Variants in SLC1A1 observed in about 807,000 individuals in gnomAD.
SLC1A1 encodes the protein solute carrier family 1 member 1.
In SLC1A1, 43 loss-of-function variants were observed where a neutral mutation model predicts 53.3. That is an observed-to-expected ratio of 0.81 (90% CI 0.63 to 1.04). The LOEUF (loss-of-function observed/expected upper bound fraction) is 1.04. SLC1A1 is among the 50% of genes least tolerant of loss of function. The probability of loss-of-function intolerance (pLI) is 0.00; values close to 1 mark genes in which losing one functional copy is unlikely to be tolerated. For missense variants in SLC1A1, 748 were observed against 664.9 expected (o/e 1.12, Z -1.37); for synonymous variants, 307 against 243.2 (o/e 1.26, Z -2.44).
chr9:4,552,925 T>G lies in SLC1A1; in HGVS notation c.232+8218T>G, dbSNP rs543741493. Among the ~76,000 whole-genome samples the G allele has an allele frequency of 2.6e-5, 4 of 152,064 alleles. No homozygotes were observed. In the South Asian group the frequency reaches 8.3e-4, roughly 32 times the overall value. On this transcript the variant is annotated intron_variant, in intron 2 of 11. Coordinates refer to ENST00000262352, the MANE Select transcript of SLC1A1 (RefSeq NM_004170.6). ...ATATCAGAATTGAGCTACGCAGATA[T>G]GAACACACTGAATGCATTCATTCTG... is the stretch of plus-strand genomic sequence containing the variant.
intron 1 of SLC1A1, among the ~76,000 whole-genome samples, chr9:4,498,642 A>G (rs1226461487): frequency 2.0e-5 from 3 of 151,936 alleles, no homozygotes; most frequent in African/African-American, 7.2e-5. Flanking sequence ...AAAACAGACA[A>G]GGTTGCTAGT....
At chr9:4,581,240 C>T (rs770541221) in intron 10 of SLC1A1, among the ~76,000 whole-genome samples, 1 of 152,196 alleles carries the variant, frequency 6.6e-6, no homozygotes, top group Non-Finnish European at 1.5e-5. Flanking sequence ...GTTTAGAGAG[C>T]CAAGTCCAAT....
At chr9:4,504,742 A>G (rs1820742660) in intron 1 of SLC1A1, among the ~76,000 whole-genome samples, 1 of 152,222 alleles carries the variant, frequency 6.6e-6, no homozygotes. Flanking sequence ...GGTTTTTAAA[A>G]AGTTGATGTT....
intron 1 of SLC1A1, among the ~76,000 whole-genome samples, chr9:4,539,161 T>C (rs58285896): frequency 0.14 from 21,419 of 152,186 alleles, 1,608 homozygotes; most frequent in South Asian, 0.3. Context: ...AGAAGAACAA[T>C]GCTGTTTTCA....
chr9:4,585,679 C>T lies in SLC1A1; in HGVS notation c.*121C>T. 3.2e-6 allele frequency: 4 copies of T among 1,240,112 alleles called. No homozygotes were observed. The highest frequency in any genetic ancestry group is 4.7e-6 in the Non-Finnish European group (4 of 859,978). The allele number at this position is 1,240,112 out of a possible 1,614,324, so 76.8% of individuals were successfully genotyped here. A position where few individuals can be genotyped will look rare whatever the true frequency, so the allele number is the denominator to read the frequency against. ...GTGTACATTTGATTTGATATACAGA[C>T]CTCCAGATTATTTTCTATATTTGGA... is the stretch of plus-strand genomic sequence containing the variant. On this transcript the variant is annotated 3_prime_UTR_variant, in exon 12 of 12. Transcript: ENST00000262352.
intron 2 of SLC1A1, chr9:4,553,468 G>A (rs1818111856): frequency 6.8e-6 from 1 of 146,412 alleles, no homozygotes; most frequent in Non-Finnish European, 1.5e-5. Flanking sequence ...CTGGGTTCAA[G>A]CGATTCTCCT....
intron 2 of SLC1A1, chr9:4,553,976 G>A (rs1818157354): frequency 6.6e-6 from 1 of 152,146 alleles, no homozygotes; most frequent in South Asian, 2.1e-4. Flanking sequence ...AACAAAGTAA[G>A]ATCATATCCT....
At position 4,580,599 on chromosome 9, in the gene SLC1A1, A is replaced by G. The variant is rs201152739; in HGVS notation, c.1194-2439A>G. Among the ~76,000 whole-genome samples the G allele has an allele frequency of 1.6e-3, 83 of 51,072 alleles. 2 individuals are homozygous for G. In the East Asian group the frequency reaches 0.022, roughly 14 times the overall value. The allele number at this position is 51,072 out of a possible 152,430, so 33.5% of individuals were successfully genotyped here. On this transcript the variant is annotated intron_variant, in intron 10 of 11. Coordinates refer to ENST00000262352, the MANE Select transcript of SLC1A1 (RefSeq NM_004170.6). ...TTGTCTCTGGAAAAAAAAAAAATATATATGTGTGTGTGTGTGTGTGTGTGT... is the reference window on the plus strand; with the variant it reads ...TTGTCTCTGGAAAAAAAAAAAATATGTATGTGTGTGTGTGTGTGTGTGTGT...
rs199651448 is a variant in SLC1A1, at chr9:4,564,307, G to A, written c.326-37G>A. ...CCAGCTGTGCCAGGTGCCCTGGAAG[G>A]TTCCTAATGCTCTGTGGACGCTGTT... On this transcript the variant is annotated intron_variant, in intron 3 of 11. Transcript: ENST00000262352. 36 of 1,439,466 alleles carry A rather than the reference G, an allele frequency of 2.5e-5. No individual in the cohort carries two copies. In the African/African-American group the frequency reaches 4.2e-4, roughly 17 times the overall value. The allele number at this position is 1,439,466 out of a possible 1,614,324, so 89.2% of individuals were successfully genotyped here.
intron 1 of SLC1A1, among the ~76,000 whole-genome samples, chr9:4,511,277 G>T (rs774358355): frequency 6.6e-6 from 1 of 152,116 alleles, no homozygotes; most frequent in African/African-American, 2.4e-5. Flanking sequence ...ATTAGATTCC[G>T]TGTCTGCTGA....
At chr9:4,522,766 T>A (rs981964787) in intron 1 of SLC1A1, among the ~76,000 whole-genome samples, 1 of 152,090 alleles carries the variant, frequency 6.6e-6, no homozygotes, top group East Asian at 1.9e-4. Context: ...CCATCAGATC[T>A]CATGAGAACT....
chr9:4,576,789 T>C, intron 10 of SLC1A1, 26 bp downstream of exon 10: 1 of 1,593,320 alleles, frequency 6.3e-7, no homozygotes, highest in Non-Finnish European at 8.6e-7. Context: ...ACATTCATTG[T>C]CATCACTGAT....
In SLC1A1 at chr9:4,585,304, C is replaced by A. The variant is rs751824400; in HGVS notation, c.1329-8C>A. On this transcript the variant is annotated splice_region_variant and splice_polypyrimidine_tract_variant and intron_variant, in intron 11 of 11. Coordinates refer to ENST00000262352, the MANE Select transcript of SLC1A1 (RefSeq NM_004170.6). The stretch of plus-strand genomic sequence containing the variant: ...GCCTCCTGTCTGACTCCTCCCGTCT[C>A]TCCCCAGGGACCGGTTCAGGACCAT... The A allele has an allele frequency of 5.6e-6, 9 of 1,613,220 alleles. No individual in the cohort carries two copies. The highest frequency in any genetic ancestry group is 1.7e-6 in the Non-Finnish European group (2 of 1,179,896).
Position 4,585,568 on chromosome 9 carries a change from C to G in SLC1A1, c.*10C>G, listed in dbSNP as rs751614536. 35 of 1,614,084 alleles carry G rather than the reference C, an allele frequency of 2.2e-5. No individual in the cohort carries two copies. In the Admixed American group the frequency reaches 5.7e-4, roughly 26 times the overall value. On this transcript the variant is annotated 3_prime_UTR_variant, in exon 12 of 12. Coordinates refer to ENST00000262352, the MANE Select transcript of SLC1A1 (RefSeq NM_004170.6). ...GACCTCACAGTTCTAGGGCCCCTGG[C>G]TGCAGATGACTGGAAACAAGGAAGG...
intron 6 of SLC1A1, among the ~76,000 whole-genome samples, chr9:4,570,411 G>A (rs901496470): frequency 3.3e-5 from 5 of 151,192 alleles, no homozygotes; most frequent in Admixed American, 1.3e-4. Flanking sequence ...TGACTCTATC[G>A]CCCAGGCTGG....
intron 10 of SLC1A1, among the ~76,000 whole-genome samples, chr9:4,577,780 G>C (rs936616295): frequency 2.4e-4 from 37 of 152,294 alleles, no homozygotes; most frequent in Admixed American, 1.6e-3. Flanking sequence ...CGGCAGATTT[G>C]CATTTTACAA....
chr9:4,535,139 A>T (rs1816624593), intron 1 of SLC1A1, among the ~76,000 whole-genome samples: 1 of 152,166 alleles, frequency 6.6e-6, no homozygotes, highest in Non-Finnish European at 1.5e-5. Context: ...TCCCTTTGAA[A>T]ATTGGCACAA....
At chr9:4,558,626 G>A (rs1818650192) in intron 2 of SLC1A1, among the ~76,000 whole-genome samples, 1 of 152,142 alleles carries the variant, frequency 6.6e-6, no homozygotes, top group South Asian at 2.1e-4. Flanking sequence ...ACCAGCCCAT[G>A]GCCAAATCAT....
intron 9 of SLC1A1, 74 bp downstream of exon 9, chr9:4,576,197 A>G: frequency 2.0e-6 from 3 of 1,465,884 alleles, no homozygotes; most frequent in Non-Finnish European, 1.9e-6. Flanking sequence ...TTTACAAAAC[A>G]GACTCCAGCT....
Sources: allele counts gnomAD v4.1 joint callset (sites outside exome capture counted in the v4.1 genomes callset), GRCh38; gene constraint gnomAD v4.1.1; transcripts MANE v1.5; gene names NCBI Gene and HGNC (gene_info 2026-07-23, HGNC 2026-07-21).